SPATS2: variants seen among roughly 807,000 people sequenced by gnomAD.
SPATS2 encodes spermatogenesis-associated serine-rich protein 2.
SPATS2 carries 38 observed loss-of-function variants against 63.7 expected under a neutral mutation model. The ratio of observed to expected loss-of-function variants is 0.60; its 90% confidence interval spans 0.46 to 0.78. The LOEUF is 0.78. Among genes scored for constraint, SPATS2 ranks in the 30% least tolerant of loss-of-function variants. The probability of loss-of-function intolerance (pLI) is 0.00; values close to 1 mark genes in which losing one functional copy is unlikely to be tolerated. For synonymous variants in SPATS2, 207 were observed against 232.9 expected (o/e 0.89, Z 1.01); for missense variants, 588 against 666.2 (o/e 0.88, Z 1.29).
chr12:49,521,496 ACT>A (rs1243736263), intron 11 of SPATS2, among the ~76,000 whole-genome samples: 11 of 149,288 alleles, frequency 7.4e-5, no homozygotes, highest in Admixed American at 4.7e-4. Flanking sequence ...GTCTCATTCA[ACT>A]CTCGGGGAGA....
intron 1 of SPATS2, among the ~76,000 whole-genome samples, chr12:49,370,375 C>G (rs1284275993): frequency 1.3e-5 from 2 of 152,160 alleles, no homozygotes; most frequent in African/African-American, 4.8e-5. Context: ...AGTCTTGCTG[C>G]TTTCATTGGA....
chr12:49,456,639 T>G (rs1945724238), intron 2 of SPATS2, among the ~76,000 whole-genome samples: 1 of 152,170 alleles, frequency 6.6e-6, no homozygotes, highest in Admixed American at 6.5e-5. Context: ...TTCTCGTGAT[T>G]TAGACAAGGG....
chr12:49,414,506 C>G (rs570508075), intron 2 of SPATS2, among the ~76,000 whole-genome samples: 9 of 152,262 alleles, frequency 5.9e-5, no homozygotes, highest in African/African-American at 2.2e-4. Context: ...TGGTCCTTTG[C>G]AGAAAATGTT....
intron 2 of SPATS2, among the ~76,000 whole-genome samples, chr12:49,433,636 TTTGTTG>T (rs137999795): frequency 7.1e-4 from 108 of 152,050 alleles, no homozygotes; most frequent in African/African-American, 2.5e-3. Flanking sequence ...CAGTTGGGTT[TTTGTTG>T]TTGTTGTTGT....
At chr12:49,510,137 A>G (rs1946726344) in intron 9 of SPATS2, among the ~76,000 whole-genome samples, 1 of 150,524 alleles carries the variant, frequency 6.6e-6, no homozygotes, top group Non-Finnish European at 1.5e-5. Flanking sequence ...GGTAGCACAC[A>G]CCTTTAATCC....
At chr12:49,459,450 G>A (rs555116457) in intron 2 of SPATS2, among the ~76,000 whole-genome samples, 95 of 152,176 alleles carry the variant, frequency 6.2e-4, no homozygotes, top group African/African-American at 2.2e-3. Flanking sequence ...CTGGATTCAA[G>A]TGATTCTCCT....
At chr12:49,407,823 A>T (rs1056553509) in intron 2 of SPATS2, among the ~76,000 whole-genome samples, 35 of 152,336 alleles carry the variant, frequency 2.3e-4, no homozygotes, top group African/African-American at 8.2e-4. Context: ...TTGTAAATAA[A>T]GTTTAATTAG....
At chr12:49,380,008 A>AC (rs1424753786) in intron 2 of SPATS2, among the ~76,000 whole-genome samples, 1 of 152,012 alleles carries the variant, frequency 6.6e-6, no homozygotes, top group Non-Finnish European at 1.5e-5. Context: ...ATCTCTGGCA[A>AC]CCACTGATTT....
intron 2 of SPATS2, among the ~76,000 whole-genome samples, chr12:49,418,649 C>T (rs566042104): frequency 1.3e-5 from 2 of 152,160 alleles, no homozygotes; most frequent in South Asian, 4.2e-4. Flanking sequence ...CTATGTTGCC[C>T]AGGCTGGTCT....
chr12:49,487,090 C>G (rs1946307623), intron 4 of SPATS2, among the ~76,000 whole-genome samples: 1 of 152,028 alleles, frequency 6.6e-6, no homozygotes, highest in Admixed American at 6.6e-5. Context: ...AATATTACTA[C>G]TATGTTACTA....
chr12:49,428,458 G>A (rs1373674288), intron 2 of SPATS2, among the ~76,000 whole-genome samples: 2 of 152,044 alleles, frequency 1.3e-5, no homozygotes, highest in Non-Finnish European at 2.9e-5. Flanking sequence ...CTAGCCTCTG[G>A]CTGCTACCAG....
intron 5 of SPATS2, 45 bp from the exon 6 acceptor site, chr12:49,490,624 CTGCTTGACTACTG>C: frequency 6.6e-7 from 1 of 1,508,518 alleles, no homozygotes; most frequent in Non-Finnish European, 9.2e-7. Context: ...ACACTGACTC[CTGCTTGACTACTG>C]TGTGTGTGGT....
intron 9 of SPATS2, among the ~76,000 whole-genome samples, chr12:49,513,210 AGTGTGTGT>A (rs71860115): frequency 9.5e-5 from 14 of 148,024 alleles, no homozygotes; most frequent in African/African-American, 1.7e-4. Context: ...AGAGAGAAAG[AGTGTGTGT>A]GTGTGTGTGT....
At chr12:49,485,236 T>C (rs933551335) in intron 4 of SPATS2, among the ~76,000 whole-genome samples, 67 of 151,844 alleles carry the variant, frequency 4.4e-4, no homozygotes, top group African/African-American at 1.5e-3. Flanking sequence ...CCGGCTAATT[T>C]TTTGTATTTT....
At chr12:49,493,735 TC>T (rs1387302124) in intron 6 of SPATS2, among the ~76,000 whole-genome samples, 3 of 152,186 alleles carry the variant, frequency 2.0e-5, no homozygotes, top group Non-Finnish European at 4.4e-5. Context: ...CCATCCCTGT[TC>T]CCCAGCCATT....
chr12:49,395,051 C>T (rs11168995), intron 2 of SPATS2, among the ~76,000 whole-genome samples: 133 of 152,068 alleles, frequency 8.7e-4, no homozygotes, highest in African/African-American at 2.8e-3. Flanking sequence ...CCAGCCTGGG[C>T]AATAGAGCGA....
At chr12:49,402,134 G>A (rs894096470) in intron 2 of SPATS2, among the ~76,000 whole-genome samples, 5 of 152,180 alleles carry the variant, frequency 3.3e-5, no homozygotes, top group Non-Finnish European at 5.9e-5. Context: ...GCACCACCAT[G>A]CCCAGCTGTT....
intron 11 of SPATS2, among the ~76,000 whole-genome samples, chr12:49,520,668 A>G (rs985579980): frequency 1.3e-5 from 2 of 151,964 alleles, no homozygotes; most frequent in Non-Finnish European, 2.9e-5. Flanking sequence ...ATTATCTTTG[A>G]GATGTTTGTT....
At chr12:49,457,304 T>C (rs1480733846) in intron 2 of SPATS2, among the ~76,000 whole-genome samples, 4 of 152,232 alleles carry the variant, frequency 2.6e-5, no homozygotes, top group Admixed American at 2.0e-4. Context: ...CTTCATGTTA[T>C]ATGTGGATAG....
Sources: allele counts gnomAD v4.1 joint callset (sites outside exome capture counted in the v4.1 genomes callset), GRCh38; gene constraint gnomAD v4.1.1; transcripts MANE v1.5; gene names NCBI Gene and HGNC (gene_info 2026-07-23, HGNC 2026-07-21).